Variants in MKRN1 observed in about 807,000 individuals in gnomAD.
The protein encoded by MKRN1 is E3 ubiquitin-protein ligase makorin-1.
A neutral mutation model predicts 55.5 loss-of-function variants in MKRN1; 9 were observed. The ratio of observed to expected loss-of-function variants is 0.16; its 90% CI spans 0.10 to 0.28. The LOEUF is 0.28. Ranked by LOEUF, MKRN1 falls within the 10% of genes least tolerant of loss-of-function variation. The pLI is 1.00. For synonymous variants in MKRN1, 253 were observed against 235.9 expected (o/e 1.07, Z -0.66); for missense variants, 488 against 626.7 (o/e 0.78, Z 2.36).
At position 140,463,802 on chromosome 7, in the gene MKRN1, G is replaced by A. The variant is rs1027508657; in HGVS notation, c.315-3866C>T. ...CGGGAGGCTGAGGGAGGAGAATGGC[G>A]TGAACCTGGGAGGCGGAGCTTCCAG... On this transcript the variant is annotated intron_variant, in intron 2 of 7. Transcript: ENST00000255977. Among the ~76,000 whole-genome samples the A allele has an allele frequency of 4.6e-5, 7 of 151,988 alleles. 1 individual carries two copies. Among genetic ancestry groups the A allele is most frequent in the Non-Finnish European group, 1.0e-4 (7 of 68,010 alleles).
At chr7:140,463,476 A>G (rs1457340612) in intron 2 of MKRN1, among the ~76,000 whole-genome samples, 1 of 152,220 alleles carries the variant, frequency 6.6e-6, no homozygotes. Flanking sequence ...AGTGTTCAAA[A>G]GCTACATGGA....
chr7:140,457,170 G>T (rs190659838), intron 4 of MKRN1, among the ~76,000 whole-genome samples: 1 of 151,916 alleles, frequency 6.6e-6, no homozygotes, highest in East Asian at 1.9e-4. Flanking sequence ...CATTAAAGAC[G>T]GTTTTCCATA....
rs754337364 is a variant in MKRN1, at chr7:140,454,741, A to AAGGCCATGATAGGGATGGCACT, written c.1237-34_1237-13dup. On this transcript the variant is annotated splice_polypyrimidine_tract_variant and intron_variant, in intron 7 of 7. Transcript: ENST00000255977. ...TTCCTTCGTTGGGCCTGTAAAAAAC[A>AAGGCCATGATAGGGATGGCACT]AGGCCATGATAGGGATGGCACTGTC... is the stretch of plus-strand genomic sequence containing the variant. 2 of 1,612,964 alleles carry AAGGCCATGATAGGGATGGCACT rather than the reference A, an allele frequency of 1.2e-6. No individual in the cohort carries two copies. Among genetic ancestry groups the AAGGCCATGATAGGGATGGCACT allele is most frequent in the East Asian group, 4.5e-5 (2 of 44,878 alleles).
chr7:140,455,514 A>G, intron 6 of MKRN1: 1 of 562,876 alleles, frequency 1.8e-6, no homozygotes, highest in Non-Finnish European at 3.1e-6. Context: ...TAGGACAGCT[A>G]TGACACGGAT....
chr7:140,464,769 T>A (rs1268645454), intron 2 of MKRN1, among the ~76,000 whole-genome samples: 2 of 149,118 alleles, frequency 1.3e-5, no homozygotes, highest in Non-Finnish European at 3.0e-5. Flanking sequence ...AAAAAAAAAA[T>A]TAGTTATTTT....
At chr7:140,470,274 G>A (rs1471861297) in intron 2 of MKRN1, among the ~76,000 whole-genome samples, 1 of 150,270 alleles carries the variant, frequency 6.7e-6, no homozygotes, top group Non-Finnish European at 1.5e-5. Flanking sequence ...CAACAGTCAT[G>A]AGAGTAAGAC....
In MKRN1 at chr7:140,479,044, G is replaced by C. The variant is rs1163408991; in HGVS notation, c.185+116C>G. The C allele has an allele frequency of 3.4e-6, 4 of 1,186,658 alleles. No individual in the cohort carries two copies. In the African/African-American group the frequency reaches 4.8e-5, roughly 14 times the overall value. The allele number at this position is 1,186,658 out of a possible 1,614,324, so 73.5% of individuals were successfully genotyped here. ...GGGCTGCAGAGATCGAGACAACGCCGGTCCCCGCCCTCCCGCGCCTCTAGC... is the reference window on the plus strand; with the variant it reads ...GGGCTGCAGAGATCGAGACAACGCCCGTCCCCGCCCTCCCGCGCCTCTAGC... On this transcript the variant is annotated intron_variant, in intron 1 of 7. Coordinates refer to ENST00000255977, the MANE Select transcript of MKRN1 (RefSeq NM_013446.4).
chr7:140,474,033 G>GA (rs1292001620), intron 1 of MKRN1, among the ~76,000 whole-genome samples: 1 of 61,478 alleles, frequency 1.6e-5, no homozygotes, highest in Admixed American at 1.2e-4. Flanking sequence ...AAGAAAGAAA[G>GA]AAAGAAAGAA....
At chr7:140,459,990 T>C in intron 2 of MKRN1, 54 bp from the exon 3 acceptor site, 3 of 1,473,904 alleles carry the variant, frequency 2.0e-6, no homozygotes, top group Non-Finnish European at 2.8e-6. Flanking sequence ...CTCAAGCCTG[T>C]AATCCCAACA....
chr7:140,458,683 T>A (rs1794534407), intron 4 of MKRN1, among the ~76,000 whole-genome samples: 1 of 152,108 alleles, frequency 6.6e-6, no homozygotes, highest in Admixed American at 6.6e-5. Flanking sequence ...AGGAAAAAAA[T>A]GTTAGAAGTC....
chr7:140,473,478 C>T, intron 1 of MKRN1: 1 of 205,734 alleles, frequency 4.9e-6, no homozygotes, highest in South Asian at 6.4e-5. Flanking sequence ...CTCAGAGTAT[C>T]TCTAGGCATC....
intron 2 of MKRN1, among the ~76,000 whole-genome samples, chr7:140,462,437 GT>G (rs755586695): frequency 3.5e-4 from 54 of 152,272 alleles, no homozygotes; most frequent in Non-Finnish European, 5.9e-4. Flanking sequence ...CTAACTTTGG[GT>G]CATCTGTGTT....
At position 140,479,199 on chromosome 7, in the gene MKRN1, T is replaced by TCGCTGCCGC. The variant is rs1277640284; in HGVS notation, c.137_145dup (p.Gly46_Ser48dup). On this transcript the variant is annotated inframe_insertion, in exon 1 of 8. Coordinates refer to ENST00000255977, the MANE Select transcript of MKRN1 (RefSeq NM_013446.4). Reference sequence around the variant, plus strand: ...TTTAGTCCAGCCGCCGCCGCTGCCGTCGCTGCCGCCGCCCCCTCCGCCCGC... The same window carrying TCGCTGCCGC: ...TTTAGTCCAGCCGCCGCCGCTGCCGTCGCTGCCGCCGCTGCCGCCGCCCCCTCCGCCCGC... 35 of 1,464,432 alleles carry TCGCTGCCGC rather than the reference T, an allele frequency of 2.4e-5. No individual in the cohort carries two copies. The highest frequency in any genetic ancestry group is 5.2e-5 in the Admixed American group (2 of 38,496). The allele number at this position is 1,464,432 out of a possible 1,614,324, so 90.7% of individuals were successfully genotyped here.
Position 140,477,430 on chromosome 7 carries a change from C to A in MKRN1, c.185+1730G>T, listed in dbSNP as rs534887233. 3.9e-5 allele frequency among the ~76,000 whole-genome samples: 6 copies of A among 152,188 alleles called. No homozygotes were observed. In the South Asian group the frequency reaches 1.2e-3, roughly 32 times the overall value. On this transcript the variant is annotated intron_variant, in intron 1 of 7. Coordinates refer to ENST00000255977, the MANE Select transcript of MKRN1 (RefSeq NM_013446.4). ...TCTGCCTCCTGGGTTCAAGCAACTCCCTGCCTCAGCCTCCGGAGTAGCTGA... is the reference window on the plus strand; with the variant it reads ...TCTGCCTCCTGGGTTCAAGCAACTCACTGCCTCAGCCTCCGGAGTAGCTGA...
At chr7:140,455,651 G>A in intron 6 of MKRN1, 139 bp downstream of exon 6, 1 of 665,516 alleles carries the variant, frequency 1.5e-6, no homozygotes, top group Non-Finnish European at 2.6e-6. Context: ...GATGTTATCA[G>A]GGTGACAAAA....
intron 2 of MKRN1, among the ~76,000 whole-genome samples, chr7:140,460,513 C>A (rs34139784): frequency 0.012 from 1,765 of 151,874 alleles, 18 homozygotes; most frequent in South Asian, 0.029. Context: ...TTTGGCCAGG[C>A]TGATCTCGAA....
In MKRN1 at chr7:140,471,981, T is replaced by C; in HGVS notation, c.216A>G (p.Gly72=). ...RYFMHGVCKE[G]DNCRYSHDLS... ...GGTCATGCGAGTAGCGACAGTTGTC[T>C]CCTTCCTTACAAACCCCATGCATAA... The change falls in exon 2 of 8, where the codon GGA becomes GGG. Residue 72 remains glycine, a synonymous_variant. Coordinates refer to ENST00000255977, the MANE Select transcript of MKRN1 (RefSeq NM_013446.4). 6.2e-7 allele frequency: 1 copy of C among 1,614,142 alleles called. No individual in the cohort carries two copies. The highest frequency in any genetic ancestry group is 1.1e-5 in the South Asian group (1 of 91,084).
chr7:140,461,497 G>A (rs1439971328), intron 2 of MKRN1, among the ~76,000 whole-genome samples: 5 of 152,104 alleles, frequency 3.3e-5, no homozygotes, highest in Middle Eastern at 3.2e-3. Context: ...TCCGGGCATG[G>A]TGGCGCACAC....
At chr7:140,465,077 T>C (rs771531252) in intron 2 of MKRN1, among the ~76,000 whole-genome samples, 135 of 152,220 alleles carry the variant, frequency 8.9e-4, no homozygotes, top group Non-Finnish European at 1.4e-3. Flanking sequence ...TTTTTCTGTC[T>C]CTGTAAGAGA....
Sources: gnomAD v4.1 joint callset for allele counts (sites outside exome capture counted in the v4.1 genomes callset) on GRCh38, gnomAD v4.1.1 for gene constraint, MANE v1.5 for transcripts, NCBI Gene and HGNC (gene_info 2026-07-23, HGNC 2026-07-21) for gene names.